IPMK: variants seen among roughly 807,000 people sequenced by gnomAD.
IPMK encodes inositol 1,3,4,6-tetrakisphosphate 5-kinase.
Under a neutral mutation model 45.8 loss-of-function variants are expected in IPMK, and 17 were observed. That is an observed-to-expected ratio of 0.37 (90% confidence interval 0.25 to 0.56). The LOEUF (loss-of-function observed/expected upper bound fraction) is 0.56. Among genes scored for constraint, IPMK ranks in the 20% least tolerant of loss-of-function variants. The pLI, the probability that IPMK is intolerant of heterozygous loss-of-function variation, is 0.79. For synonymous variants in IPMK, 180 were observed against 184.3 expected (o/e 0.98, Z 0.19); for missense variants, 399 against 498.0 (o/e 0.80, Z 1.89).
At chr10:58,217,148 C>G (rs1400763182) in intron 3 of IPMK, among the ~76,000 whole-genome samples, 1 of 137,942 alleles carries the variant, frequency 7.2e-6, no homozygotes, top group Non-Finnish European at 1.5e-5. Flanking sequence ...CATGCCCAGC[C>G]CATCTTGCTT....
chr10:58,247,178 G>C (rs564268654), intron 1 of IPMK, among the ~76,000 whole-genome samples: 1 of 147,220 alleles, frequency 6.8e-6, no homozygotes, highest in South Asian at 2.1e-4. Context: ...AGGATGTGGA[G>C]AAATAGGAAC....
intron 1 of IPMK, among the ~76,000 whole-genome samples, chr10:58,247,694 T>C (rs962521594): frequency 3.3e-5 from 5 of 152,248 alleles, no homozygotes; most frequent in South Asian, 2.1e-4. Flanking sequence ...TTGGGAGATA[T>C]ACCTAATGCT....
chr10:58,204,946 A>T (rs2455577), intron 4 of IPMK, among the ~76,000 whole-genome samples: 51,457 of 152,062 alleles, frequency 0.34, 10,957 homozygotes, highest in African/African-American at 0.61. Context: ...CAAAAATTTA[A>T]TTCCAACAAG....
intron 4 of IPMK, among the ~76,000 whole-genome samples, chr10:58,206,345 G>A (rs1838071256): frequency 6.6e-6 from 1 of 152,134 alleles, no homozygotes; most frequent in Non-Finnish European, 1.5e-5. Flanking sequence ...TGAAGTTTTT[G>A]CAGAAGTGGT....
Position 58,195,083 on chromosome 10 carries a change from G to A in IPMK, c.*993C>T, listed in dbSNP as rs1837872152. The stretch of plus-strand genomic sequence containing the variant: ...TTTGATAACAACCTAATTAGATATT[G>A]TCTTTCATTGCTTACTATAATTCTG... On this transcript the variant is annotated 3_prime_UTR_variant, in exon 6 of 6. Transcript: ENST00000373935. 1 of 151,902 alleles carries A rather than the reference G, an allele frequency of 6.6e-6. No individual in the cohort carries two copies. Among genetic ancestry groups the A allele is most frequent in the South Asian group, 2.1e-4 (1 of 4,820 alleles). The allele number at this position is 151,902 out of a possible 1,614,324, so 9.4% of individuals were successfully genotyped here. A position where few individuals can be genotyped will look rare whatever the true frequency, so the allele number is the denominator to read the frequency against.
intron 1 of IPMK, among the ~76,000 whole-genome samples, chr10:58,250,829 A>AT (rs1376613737): frequency 6.6e-6 from 1 of 152,150 alleles, no homozygotes; most frequent in Non-Finnish European, 1.5e-5. Context: ...AATGGCCTTT[A>AT]TTGTTCTGAA....
At chr10:58,259,508 T>C (rs1839024196) in intron 1 of IPMK, among the ~76,000 whole-genome samples, 2 of 151,752 alleles carry the variant, frequency 1.3e-5, no homozygotes, top group Non-Finnish European at 2.9e-5. Context: ...GGAAATCTAT[T>C]CCTTAACATA....
intron 1 of IPMK, among the ~76,000 whole-genome samples, chr10:58,260,405 T>A (rs1449538921): frequency 1.3e-5 from 2 of 152,218 alleles, no homozygotes; most frequent in Non-Finnish European, 2.9e-5. Flanking sequence ...TGCTAAATAC[T>A]CTGAATTTTG....
At position 58,225,330 on chromosome 10, in the gene IPMK, C is replaced by T. The variant is rs182779294; in HGVS notation, c.373+1713G>A. On this transcript the variant is annotated intron_variant, in intron 3 of 5. Coordinates refer to ENST00000373935, the MANE Select transcript of IPMK (RefSeq NM_152230.5). The stretch of plus-strand genomic sequence containing the variant: ...AGCTCAAAAAGATTACTGAGTTAGC[C>T]AAGTTCACAATATTTGTAAATAACC... Among the ~76,000 whole-genome samples, 38 of 152,220 alleles carry T rather than the reference C, an allele frequency of 2.5e-4. 1 individual carries two copies. Among genetic ancestry groups the T allele is most frequent in the Admixed American group, 2.0e-3 (30 of 15,282 alleles).
chr10:58,226,102 A>C (rs1838411500), intron 3 of IPMK, among the ~76,000 whole-genome samples: 1 of 152,152 alleles, frequency 6.6e-6, no homozygotes, highest in Non-Finnish European at 1.5e-5. Flanking sequence ...TAAATACTCA[A>C]GGGAGCCATC....
intron 1 of IPMK, among the ~76,000 whole-genome samples, chr10:58,246,910 C>T (rs1476313388): frequency 1.3e-5 from 2 of 151,030 alleles, no homozygotes; most frequent in African/African-American, 2.5e-5. Flanking sequence ...ACTCATCTGA[C>T]AAAGGGCTAA....
At chr10:58,249,847 A>T (rs1011047632) in intron 1 of IPMK, among the ~76,000 whole-genome samples, 1 of 152,066 alleles carries the variant, frequency 6.6e-6, no homozygotes, top group Non-Finnish European at 1.5e-5. Flanking sequence ...AATCAAATAC[A>T]TATTGGTTTT....
Position 58,267,679 on chromosome 10 carries a change from G to C in IPMK, c.-68C>G, listed in dbSNP as rs185772196. 1 of 988,362 alleles carries C rather than the reference G, an allele frequency of 1.0e-6. No homozygotes were observed. 61.2% of individuals were successfully genotyped at this position (988,362 alleles called of 1,614,324 possible). A position where few individuals can be genotyped will look rare whatever the true frequency, so the allele number is the denominator to read the frequency against. On this transcript the variant is annotated 5_prime_UTR_variant, in exon 1 of 6. Coordinates refer to ENST00000373935, the MANE Select transcript of IPMK (RefSeq NM_152230.5). The stretch of plus-strand genomic sequence containing the variant: ...AAATAGGGCGAGGGAGGGGGCGCCG[G>C]AGAACCCGAGGGTCGCTCAGGCTCG...
At chr10:58,200,894 T>C (rs1393070946) in intron 4 of IPMK, among the ~76,000 whole-genome samples, 2 of 152,200 alleles carry the variant, frequency 1.3e-5, no homozygotes, top group Non-Finnish European at 2.9e-5. Flanking sequence ...TTTACAGGCA[T>C]AGAATGTGTA....
At chr10:58,208,499 GT>G (rs1407351697) in intron 4 of IPMK, among the ~76,000 whole-genome samples, 79 of 152,074 alleles carry the variant, frequency 5.2e-4, no homozygotes, top group African/African-American at 1.9e-3. Flanking sequence ...TGATTTGACT[GT>G]TTTTTATTTA....
chr10:58,264,342 A>C (rs1162762861), intron 1 of IPMK, among the ~76,000 whole-genome samples: 1 of 152,208 alleles, frequency 6.6e-6, no homozygotes, highest in Non-Finnish European at 1.5e-5. Flanking sequence ...GTTTCAGAGG[A>C]TATCTAATAA....
rs532602368 is a variant in IPMK at position 58,259,746 on chromosome 10, G to A, written c.190+7676C>T. ...TCCCGGCTACTCAGGAGGCTTCGGT[G>A]GGAGGATCACTTGAGCCTGGGAGGC... On this transcript the variant is annotated intron_variant, in intron 1 of 5. Transcript: ENST00000373935. 1.1e-4 allele frequency among the ~76,000 whole-genome samples: 16 copies of A among 150,932 alleles called. No individual in the cohort carries two copies. The South Asian group carries it at 1.5e-3, about 14-fold the overall frequency.
intron 4 of IPMK, 141 bp downstream of exon 4, chr10:58,216,004 T>C: frequency 1.7e-6 from 1 of 580,000 alleles, no homozygotes; most frequent in East Asian, 3.3e-5. Context: ...TTGCCCTCAC[T>C]TTTCACATTG....
chr10:58,251,214 A>G (rs1421141992), intron 1 of IPMK, among the ~76,000 whole-genome samples: 1 of 152,096 alleles, frequency 6.6e-6, no homozygotes, highest in Non-Finnish European at 1.5e-5. Context: ...TGTCTGAAGG[A>G]ATTTTATAAT....
Sources: gnomAD v4.1 joint callset for allele counts (sites outside exome capture counted in the v4.1 genomes callset) on GRCh38, gnomAD v4.1.1 for gene constraint, MANE v1.5 for transcripts, NCBI Gene and HGNC (gene_info 2026-07-23, HGNC 2026-07-21) for gene names.